Variants in IMMP2L observed in about 807,000 individuals in gnomAD.
The protein encoded by IMMP2L is inner mitochondrial membrane peptidase subunit 2.
Under a neutral mutation model 19.3 loss-of-function variants are expected in IMMP2L, and 18 were observed. That is an observed-to-expected ratio of 0.93 (90% confidence interval 0.64 to 1.38). The LOEUF is 1.38. IMMP2L is among the 40% of genes most tolerant of loss of function. The pLI is 0.00. For missense variants in IMMP2L, 233 were observed against 218.2 expected, an observed-to-expected ratio of 1.07 and a Z score of -0.43; for synonymous variants, 76 against 73.0, an observed-to-expected ratio of 1.04 and a Z score of -0.21.
chr7:110,792,916 G>A (rs142189223), intron 5 of IMMP2L, among the ~76,000 whole-genome samples: 229 of 152,070 alleles, frequency 1.5e-3, no homozygotes, highest in Non-Finnish European at 2.7e-3. Flanking sequence ...AGAATGTCCT[G>A]CCACTTGCAG....
rs143697955 is a variant in IMMP2L, at chr7:111,008,168, A to T, written c.240-44603T>A. On this transcript the variant is annotated intron_variant, in intron 3 of 5. Coordinates refer to ENST00000405709, the MANE Select transcript of IMMP2L (RefSeq NM_032549.4). The stretch of plus-strand genomic sequence containing the variant: ...ATTCTCTATTTTCAACATGATGCCA[A>T]TGTGAGCCCTCTGCCATGTCAAATT... Among the ~76,000 whole-genome samples, 811 of 152,096 alleles carry T rather than the reference A, an allele frequency of 5.3e-3. 7 individuals carry two copies. Among genetic ancestry groups the T allele is most frequent in the Non-Finnish European group, 9.5e-3 (643 of 67,990 alleles).
intron 4 of IMMP2L, among the ~76,000 whole-genome samples, chr7:110,894,005 G>A (rs1462286719): frequency 6.6e-6 from 1 of 151,898 alleles, no homozygotes; most frequent in Non-Finnish European, 1.5e-5. Context: ...AGCAAACCAG[G>A]TGCCTCCAGA....
At chr7:111,182,167 T>C (rs1262676172) in intron 3 of IMMP2L, among the ~76,000 whole-genome samples, 1 of 151,968 alleles carries the variant, frequency 6.6e-6, no homozygotes, top group Non-Finnish European at 1.5e-5. Flanking sequence ...TATAATCAAA[T>C]CTATCTAACT....
chr7:110,962,754 C>T (rs1354045300), intron 4 of IMMP2L: 2 of 1,080,922 alleles, frequency 1.9e-6, no homozygotes. Flanking sequence ...AATATGTGTA[C>T]TATCATTAAT....
At chr7:110,934,082 T>C (rs1182793839) in intron 4 of IMMP2L, among the ~76,000 whole-genome samples, 2 of 152,216 alleles carry the variant, frequency 1.3e-5, no homozygotes, top group East Asian at 3.8e-4. Flanking sequence ...ATTTCTGCCG[T>C]AATTTCATTA....
At chr7:110,820,133 T>C (rs1802892456) in intron 5 of IMMP2L, among the ~76,000 whole-genome samples, 2 of 152,054 alleles carry the variant, frequency 1.3e-5, no homozygotes, top group African/African-American at 4.8e-5. Context: ...ATAAATTCAA[T>C]AAGAATCTAA....
At chr7:111,392,734 C>A (rs1210776550) in intron 3 of IMMP2L, 5 of 456,324 alleles carry the variant, frequency 1.1e-5, no homozygotes, top group African/African-American at 2.0e-5. Flanking sequence ...GTGGGAGGGT[C>A]CTCCCCTCAC....
At chr7:111,346,444 A>G (rs1166326771) in intron 3 of IMMP2L, among the ~76,000 whole-genome samples, 1 of 152,092 alleles carries the variant, frequency 6.6e-6, no homozygotes, top group East Asian at 1.9e-4. Flanking sequence ...ATATATTCAA[A>G]CTATCTATGC....
chr7:110,853,895 T>C (rs1806488342), intron 5 of IMMP2L, among the ~76,000 whole-genome samples: 3 of 151,998 alleles, frequency 2.0e-5, no homozygotes, highest in African/African-American at 2.4e-5. Flanking sequence ...TACTTTAATA[T>C]GTGATAGCCA....
chr7:110,989,468 GC>G (rs1822217747), intron 3 of IMMP2L, among the ~76,000 whole-genome samples: 1 of 147,098 alleles, frequency 6.8e-6, no homozygotes, highest in Admixed American at 6.8e-5. Context: ...GATCAGGTGA[GC>G]CTAGGAGGTC....
At chr7:110,819,932 A>G (rs1443689611) in intron 5 of IMMP2L, among the ~76,000 whole-genome samples, 1 of 152,108 alleles carries the variant, frequency 6.6e-6, no homozygotes, top group Non-Finnish European at 1.5e-5. Context: ...AACAATATTT[A>G]CATGCTGTTC....
chr7:111,468,664 G>T (rs1200731479), intron 3 of IMMP2L, among the ~76,000 whole-genome samples: 1 of 152,112 alleles, frequency 6.6e-6, no homozygotes, highest in Non-Finnish European at 1.5e-5. Context: ...AAATAAATCT[G>T]CTAGCAATGT....
rs546065556 is a variant in IMMP2L, at chr7:110,804,323, T to A, written c.408+82270A>T. ...ACCTCCTATACACCAAATATTTGCA[T>A]GGCAAAAGTTCATATCATAATGTAC... is the stretch of plus-strand genomic sequence containing the variant. On this transcript the variant is annotated intron_variant, in intron 5 of 5. Coordinates refer to ENST00000405709, the MANE Select transcript of IMMP2L (RefSeq NM_032549.4). Among the ~76,000 whole-genome samples, 27 of 152,160 alleles carry A rather than the reference T, an allele frequency of 1.8e-4. 2 individuals carry two copies. The South Asian group carries it at 5.6e-3, about 32-fold the overall frequency.
intron 3 of IMMP2L, among the ~76,000 whole-genome samples, chr7:111,484,722 T>C (rs1842480568): frequency 6.6e-6 from 1 of 152,180 alleles, no homozygotes; most frequent in African/African-American, 2.4e-5. Flanking sequence ...TCTTCTAAAA[T>C]GAAGCAGTTT....
chr7:111,074,168 T>C (rs1795189025), intron 3 of IMMP2L, among the ~76,000 whole-genome samples: 1 of 152,080 alleles, frequency 6.6e-6, no homozygotes, highest in East Asian at 1.9e-4. Flanking sequence ...ATAAATAAGG[T>C]CCAGACAGGT....
At chr7:111,115,251 G>T (rs916466688) in intron 3 of IMMP2L, among the ~76,000 whole-genome samples, 2 of 152,040 alleles carry the variant, frequency 1.3e-5, no homozygotes, top group Non-Finnish European at 2.9e-5. Context: ...CCCAGTATAT[G>T]GTGTGATGCT....
intron 3 of IMMP2L, among the ~76,000 whole-genome samples, chr7:111,116,020 T>G (rs1434560663): frequency 6.6e-6 from 1 of 152,084 alleles, no homozygotes; most frequent in Non-Finnish European, 1.5e-5. Flanking sequence ...AGCACAAGCC[T>G]CAATTCTAAA....
At chr7:111,139,001 G>A (rs1287144808) in intron 3 of IMMP2L, among the ~76,000 whole-genome samples, 1 of 152,068 alleles carries the variant, frequency 6.6e-6, no homozygotes, top group Non-Finnish European at 1.5e-5. Flanking sequence ...TTTTTCAGTT[G>A]ACATGATCTT....
intron 4 of IMMP2L, among the ~76,000 whole-genome samples, chr7:110,898,448 G>C (rs1327950356): frequency 6.6e-6 from 1 of 152,042 alleles, no homozygotes. Context: ...GCTAAGCTAA[G>C]GATTTCTCAA....
Sources: gnomAD v4.1 joint callset for allele counts (sites outside exome capture counted in the v4.1 genomes callset) on GRCh38, gnomAD v4.1.1 for gene constraint, MANE v1.5 for transcripts, NCBI Gene and HGNC (gene_info 2026-07-23, HGNC 2026-07-21) for gene names.